PPP2R2A: variants seen among roughly 807,000 people sequenced by gnomAD.
PPP2R2A encodes the protein serine/threonine-protein phosphatase 2A 55 kDa regulatory subunit B alpha isoform.
PPP2R2A carries 9 observed loss-of-function variants against 53.2 expected under a neutral mutation model. The observed-to-expected ratio is 0.17, with a 90% confidence interval of 0.10 to 0.30. PPP2R2A has a LOEUF of 0.30. Among genes scored for constraint, PPP2R2A ranks in the 10% least tolerant of loss-of-function variants. The pLI is 1.00. For synonymous variants in PPP2R2A, 169 were observed against 174.2 expected (o/e 0.97, Z 0.23); for missense variants, 235 against 534.6 (o/e 0.44, Z 5.53).
At chr8:26,302,056 T>C (rs1342207102) in intron 2 of PPP2R2A, among the ~76,000 whole-genome samples, 2 of 152,220 alleles carry the variant, frequency 1.3e-5, no homozygotes, top group Non-Finnish European at 2.9e-5. Flanking sequence ...AGAAAGAACT[T>C]CTGCAAGGGG....
At chr8:26,361,606 TAAA>T (rs530393731) in intron 6 of PPP2R2A, among the ~76,000 whole-genome samples, 3 of 151,868 alleles carry the variant, frequency 2.0e-5, no homozygotes, top group Admixed American at 1.3e-4. Flanking sequence ...ACCCTGTCTC[TAAA>T]AAAATTTTTT....
intron 2 of PPP2R2A, among the ~76,000 whole-genome samples, chr8:26,307,319 A>C (rs998194216): frequency 6.6e-6 from 1 of 152,200 alleles, no homozygotes; most frequent in African/African-American, 2.4e-5. Context: ...CGGATTGTAG[A>C]CCTTAAGTCT....
chr8:26,303,154 T>A (rs1420483594), intron 2 of PPP2R2A, among the ~76,000 whole-genome samples: 1 of 152,196 alleles, frequency 6.6e-6, no homozygotes, highest in African/African-American at 2.4e-5. Flanking sequence ...CCCTGTTCTT[T>A]TAGATACCAA....
chr8:26,319,659 A>G (rs1441282531), intron 2 of PPP2R2A, among the ~76,000 whole-genome samples: 1 of 152,082 alleles, frequency 6.6e-6, no homozygotes, highest in African/African-American at 2.4e-5. Flanking sequence ...GTCCAAAATC[A>G]TTTGACCATA....
At chr8:26,345,599 A>G (rs965653086) in intron 3 of PPP2R2A, among the ~76,000 whole-genome samples, 3 of 152,178 alleles carry the variant, frequency 2.0e-5, no homozygotes, top group African/African-American at 4.8e-5. Context: ...ATGACATGAC[A>G]TGACATAATT....
Position 26,371,125 on chromosome 8 carries a change from A to T in PPP2R2A, c.*712A>T, listed in dbSNP as rs1805651372. On this transcript the variant is annotated 3_prime_UTR_variant, in exon 10 of 10. Coordinates refer to ENST00000380737, the MANE Select transcript of PPP2R2A (RefSeq NM_002717.4). ...CTACTACTGAATAAAAGTGACAAAG[A>T]ATGGAGAATCTGGTTTTCTTTTTCT... is the stretch of plus-strand genomic sequence containing the variant. 1.3e-5 allele frequency: 2 copies of T among 152,432 alleles called. No homozygotes were observed. Among genetic ancestry groups the T allele is most frequent in the South Asian group, 4.1e-4 (2 of 4,836 alleles). 9.4% of individuals were successfully genotyped at this position (152,432 alleles called of 1,614,324 possible).
At chr8:26,367,889 G>T (rs944054437) in intron 9 of PPP2R2A, among the ~76,000 whole-genome samples, 3 of 152,168 alleles carry the variant, frequency 2.0e-5, no homozygotes, top group Non-Finnish European at 1.5e-5. Flanking sequence ...GCATTTAGTT[G>T]TCATCTCTTG....
intron 2 of PPP2R2A, among the ~76,000 whole-genome samples, chr8:26,300,060 C>G (rs927554522): frequency 1.3e-5 from 2 of 152,134 alleles, no homozygotes; most frequent in Non-Finnish European, 2.9e-5. Context: ...ATGATAGTAT[C>G]TGTTTAGCAT....
intron 1 of PPP2R2A, chr8:26,292,397 T>C (rs1801341607): frequency 1.0e-6 from 1 of 985,576 alleles, no homozygotes; most frequent in African/African-American, 1.7e-5. Flanking sequence ...ACCATTTCGT[T>C]TCCGTTTCTT....
chr8:26,333,448 G>A (rs1803482534), intron 2 of PPP2R2A: 1 of 1,048,924 alleles, frequency 9.5e-7, no homozygotes, highest in South Asian at 1.5e-5. Context: ...AGGTAATACA[G>A]TTATAACCCT....
chr8:26,363,928 T>C (rs764080909), intron 8 of PPP2R2A, 38 bp downstream of exon 8: 2 of 1,505,124 alleles, frequency 1.3e-6, no homozygotes, highest in Non-Finnish European at 1.8e-6. Context: ...ATATACCCTG[T>C]TTACTTTGAA....
chr8:26,299,013 G>A (rs932848846), intron 2 of PPP2R2A, among the ~76,000 whole-genome samples: 3 of 152,178 alleles, frequency 2.0e-5, no homozygotes, highest in Non-Finnish European at 4.4e-5. Flanking sequence ...AGTGGCTCAC[G>A]CCTGTAATCC....
chr8:26,310,360 A>T (rs2117230507), intron 2 of PPP2R2A, among the ~76,000 whole-genome samples: 1 of 144,806 alleles, frequency 6.9e-6, no homozygotes, highest in South Asian at 2.2e-4. Flanking sequence ...TTTATATTAT[A>T]TCTGTTAATA....
At chr8:26,311,526 G>A (rs909914079) in intron 2 of PPP2R2A, among the ~76,000 whole-genome samples, 3 of 151,990 alleles carry the variant, frequency 2.0e-5, no homozygotes, top group African/African-American at 4.8e-5. Flanking sequence ...GTGCTGAGCC[G>A]GGCACGGTGG....
chr8:26,292,052 G>A (rs1425226181), intron 1 of PPP2R2A: 4 of 1,244,624 alleles, frequency 3.2e-6, no homozygotes, highest in Non-Finnish European at 4.1e-6. Context: ...GCCGTGGCGG[G>A]GGTGGGGGTG....
chr8:26,328,238 G>A (rs937411746), intron 2 of PPP2R2A, among the ~76,000 whole-genome samples: 3 of 152,102 alleles, frequency 2.0e-5, no homozygotes, highest in Non-Finnish European at 4.4e-5. Context: ...ACCCTTTGAT[G>A]TATTTAGTCC....
chr8:26,369,091 G>A (rs1372813289), intron 9 of PPP2R2A, among the ~76,000 whole-genome samples: 2 of 149,896 alleles, frequency 1.3e-5, no homozygotes, highest in Non-Finnish European at 3.0e-5. Context: ...CTGGGCAACA[G>A]AGCGAGACTC....
intron 4 of PPP2R2A, among the ~76,000 whole-genome samples, chr8:26,355,856 C>A (rs1172846110): frequency 7.9e-6 from 1 of 126,176 alleles, no homozygotes; most frequent in Non-Finnish European, 1.6e-5. Flanking sequence ...GGCAACAGAG[C>A]GAGACTCGTC....
At chr8:26,306,253 A>C (rs1007452936) in intron 2 of PPP2R2A, among the ~76,000 whole-genome samples, 1 of 151,786 alleles carries the variant, frequency 6.6e-6, no homozygotes, top group Non-Finnish European at 1.5e-5. Flanking sequence ...AGGTGGGTGG[A>C]TTGCTTGAGG....
Sources: allele counts gnomAD v4.1 joint callset (sites outside exome capture counted in the v4.1 genomes callset), GRCh38; gene constraint gnomAD v4.1.1; transcripts MANE v1.5; gene names NCBI Gene and HGNC (gene_info 2026-07-23, HGNC 2026-07-21).